The following CDIN1 variants were observed in gnomAD, a reference collection of about 807,000 sequenced individuals.
The protein encoded by CDIN1 is CDAN1-interacting nuclease 1.
In CDIN1, 33 loss-of-function variants were observed where a neutral mutation model predicts 45.3. The observed-to-expected ratio is 0.73, with a 90% CI of 0.55 to 0.97. The LOEUF (loss-of-function observed/expected upper bound fraction) is 0.97. Among genes scored for constraint, CDIN1 ranks in the 50% least tolerant of loss-of-function variants. The probability of loss-of-function intolerance (pLI) is 0.00; values close to 1 mark genes in which losing one functional copy is unlikely to be tolerated. For missense variants in CDIN1, 303 were observed against 339.4 expected (o/e 0.89, Z 0.84); for synonymous variants, 118 against 124.4 (o/e 0.95, Z 0.34).
chr15:36,655,875 G>T (rs546702000), intron 4 of CDIN1, among the ~76,000 whole-genome samples: 1 of 152,024 alleles, frequency 6.6e-6, no homozygotes, highest in African/African-American at 2.4e-5. Context: ...ATTTTTAATG[G>T]ATAGTTCTAT....
intron 10 of CDIN1, among the ~76,000 whole-genome samples, chr15:36,754,292 C>T (rs2053550522): frequency 6.6e-6 from 1 of 152,096 alleles, no homozygotes; most frequent in Admixed American, 6.6e-5. Flanking sequence ...TCACTACCCC[C>T]TGTCATTTAG....
chr15:36,681,211 G>A (rs763622709), intron 5 of CDIN1, among the ~76,000 whole-genome samples: 6 of 152,086 alleles, frequency 3.9e-5, no homozygotes, highest in Non-Finnish European at 7.4e-5. Flanking sequence ...AATTTTGTAA[G>A]AGCAGATTTT....
chr15:36,759,421 G>A (rs1319272865), intron 10 of CDIN1, among the ~76,000 whole-genome samples: 2 of 151,962 alleles, frequency 1.3e-5, no homozygotes, highest in East Asian at 3.9e-4. Context: ...CCACTTTGGA[G>A]ATATTCTTTA....
At chr15:36,650,990 G>A (rs2040553445) in intron 3 of CDIN1, among the ~76,000 whole-genome samples, 1 of 151,866 alleles carries the variant, frequency 6.6e-6, no homozygotes, top group Admixed American at 6.6e-5. Flanking sequence ...TTGAACCCAG[G>A]AGGCGAAGGT....
At chr15:36,617,004 TA>T in intron 1 of CDIN1, 1 of 670,390 alleles carries the variant, frequency 1.5e-6, no homozygotes, top group South Asian at 1.9e-5. Context: ...AAAACTTATT[TA>T]AAAAATTTAT....
chr15:36,712,613 G>A (rs745364121), intron 10 of CDIN1, among the ~76,000 whole-genome samples: 7 of 151,984 alleles, frequency 4.6e-5, no homozygotes, highest in Non-Finnish European at 8.8e-5. Flanking sequence ...TAACTACAGA[G>A]CCACCAATTT....
chr15:36,654,034 T>C lies in CDIN1; in HGVS notation c.213-64T>C, dbSNP rs779649666. 5 of 1,220,756 alleles carry C rather than the reference T, an allele frequency of 4.1e-6. No homozygotes were observed. In the Admixed American group the frequency reaches 9.9e-5, roughly 24 times the overall value. The allele number at this position is 1,220,756 out of a possible 1,614,324, so 75.6% of individuals were successfully genotyped here. On this transcript the variant is annotated intron_variant, in intron 3 of 10. Coordinates refer to ENST00000566621, the MANE Select transcript of CDIN1 (RefSeq NM_001321759.2). ...GAGAAACATGTATACACACAGGGGATGCTGACAAGTCTATGCTGGCCTTTT... is the reference window on the plus strand; with the variant it reads ...GAGAAACATGTATACACACAGGGGACGCTGACAAGTCTATGCTGGCCTTTT...
At chr15:36,679,527 C>A (rs1309350818) in intron 5 of CDIN1, among the ~76,000 whole-genome samples, 1 of 152,152 alleles carries the variant, frequency 6.6e-6, no homozygotes, top group Non-Finnish European at 1.5e-5. Context: ...ATTCTAGACT[C>A]TGCTCATAAC....
At chr15:36,709,412 T>G in intron 9 of CDIN1, 124 bp downstream of exon 9, 1 of 598,776 alleles carries the variant, frequency 1.7e-6, no homozygotes, top group Non-Finnish European at 2.7e-6. Flanking sequence ...ATGTTACTTT[T>G]AAACAGCAGA....
chr15:36,584,254 C>T (rs962444061), intron 1 of CDIN1, among the ~76,000 whole-genome samples: 3 of 152,064 alleles, frequency 2.0e-5, no homozygotes, highest in South Asian at 2.1e-4. Flanking sequence ...TTCAACAGAG[C>T]GAGACCCTGT....
chr15:36,691,907 G>A (rs957271080), intron 6 of CDIN1, 143 bp downstream of exon 6: 6 of 784,026 alleles, frequency 7.7e-6, no homozygotes, highest in Non-Finnish European at 1.2e-5. Context: ...CAGTATTTGC[G>A]AGAAGAGCAT....
chr15:36,686,258 T>C (rs1222947706), intron 5 of CDIN1, among the ~76,000 whole-genome samples: 1 of 151,222 alleles, frequency 6.6e-6, no homozygotes, highest in Non-Finnish European at 1.5e-5. Flanking sequence ...GTGTCCTTTG[T>C]AGGGACATGG....
intron 1 of CDIN1, among the ~76,000 whole-genome samples, chr15:36,629,149 C>G (rs1043609424): frequency 7.2e-5 from 11 of 152,166 alleles, no homozygotes; most frequent in African/African-American, 2.7e-4. Flanking sequence ...TTCTGGCCTC[C>G]AGAACTGTGA....
At position 36,617,297 on chromosome 15, in the gene CDIN1, T is replaced by C; in HGVS notation, c.102-26981T>C. 7.1e-6 allele frequency: 8 copies of C among 1,133,582 alleles called. No homozygotes were observed. The Admixed American group carries it at 1.2e-4, about 17-fold the overall frequency. 70.2% of individuals were successfully genotyped at this position (1,133,582 alleles called of 1,614,324 possible). ...GAAGATATATGTAAAGAATATGAAG[T>C]AATGTGTTCTTTGTCTTGTGAAACC... On this transcript the variant is annotated intron_variant, in intron 1 of 10. Coordinates refer to ENST00000566621, the MANE Select transcript of CDIN1 (RefSeq NM_001321759.2).
intron 3 of CDIN1, 39 bp downstream of exon 3, chr15:36,645,326 C>T: frequency 7.2e-7 from 1 of 1,386,018 alleles, no homozygotes; most frequent in Non-Finnish European, 9.8e-7. Flanking sequence ...ATCATAGTAC[C>T]TATTAATTGT....
intron 1 of CDIN1, chr15:36,614,269 G>A (rs1442873526): frequency 5.0e-6 from 3 of 598,542 alleles, no homozygotes; most frequent in Non-Finnish European, 9.7e-6. Context: ...CAGCCTGCCC[G>A]AAGCTGACCT....
intron 5 of CDIN1, among the ~76,000 whole-genome samples, chr15:36,690,823 A>G (rs946948116): frequency 6.6e-6 from 1 of 152,178 alleles, no homozygotes; most frequent in Non-Finnish European, 1.5e-5. Flanking sequence ...GCTTCAGCCT[A>G]GAGACCTGCC....
At chr15:36,761,118 G>A (rs2053750733) in intron 10 of CDIN1, among the ~76,000 whole-genome samples, 1 of 152,142 alleles carries the variant, frequency 6.6e-6, no homozygotes, top group African/African-American at 2.4e-5. Context: ...TTAACAATTA[G>A]AAAGTTGTAT....
chr15:36,734,232 C>A, intron 10 of CDIN1: 1 of 234,550 alleles, frequency 4.3e-6, no homozygotes, highest in Non-Finnish European at 8.8e-6. Context: ...TCCTTTTACC[C>A]AAATTAAAGT....
Sources: gnomAD v4.1 joint callset for allele counts (sites outside exome capture counted in the v4.1 genomes callset) on GRCh38, gnomAD v4.1.1 for gene constraint, MANE v1.5 for transcripts, NCBI Gene and HGNC (gene_info 2026-07-23, HGNC 2026-07-21) for gene names.